Variants in ZNF331 observed in about 807,000 individuals in gnomAD.
The protein encoded by ZNF331 is C2H2-like zinc finger protein rearranged in thyroid adenomas.
Under a neutral mutation model 7.0 loss-of-function variants are expected in ZNF331, and 2 were observed. The observed-to-expected ratio is 0.29, with a 90% confidence interval of 0.12 to 0.90. ZNF331 has a LOEUF of 0.90. Among genes scored for constraint, ZNF331 ranks in the 40% least tolerant of loss-of-function variants. The probability of loss-of-function intolerance (pLI) is 0.58; values close to 1 mark genes in which losing one functional copy is unlikely to be tolerated. For missense variants in ZNF331, 432 were observed against 587.7 expected, an observed-to-expected ratio of 0.74 and a Z score of 2.74; for synonymous variants, 196 against 205.4, an observed-to-expected ratio of 0.95 and a Z score of 0.39.
chr19:53,524,749 T>G (rs2087228532), intron 2 of ZNF331, among the ~76,000 whole-genome samples: 1 of 152,144 alleles, frequency 6.6e-6, no homozygotes, highest in East Asian at 1.9e-4. Flanking sequence ...CTTTTGCTGT[T>G]CAGAAGCTCT....
At chr19:53,544,864 G>T (rs1737036899) in intron 2 of ZNF331, among the ~76,000 whole-genome samples, 1 of 151,752 alleles carries the variant, frequency 6.6e-6, no homozygotes, top group Non-Finnish European at 1.5e-5. Context: ...CTCCTGAGTA[G>T]CGGGGATTAC....
Position 53,560,892 on chromosome 19 carries a change from G to A in ZNF331, c.-74+4984G>A, listed in dbSNP as rs73587718. On this transcript the variant is annotated intron_variant, in intron 3 of 5. Transcript: ENST00000449416. The surrounding 1 kb of genome is among the most constrained non-coding windows in gnomAD (Gnocchi z 4.3). Reference sequence around the variant, plus strand: ...ATTAGCCATTTTAAGTCCATCTGCAGCCTTAATTTTCCTTTGCCATACAAG... The same window carrying A: ...ATTAGCCATTTTAAGTCCATCTGCAACCTTAATTTTCCTTTGCCATACAAG... Among the ~76,000 whole-genome samples the A allele has an allele frequency of 0.3, 44,915 of 152,036 alleles. 6,916 individuals are homozygous for A. Among genetic ancestry groups the A allele is most frequent in the African/African-American group, 0.37 (15,269 of 41,440 alleles).
rs1361638957 is a variant in ZNF331, at chr19:53,555,847, C to T, written c.-135C>T. 6.6e-6 allele frequency: 1 copy of T among 151,862 alleles called. No individual in the cohort carries two copies. Among genetic ancestry groups the T allele is most frequent in the Non-Finnish European group, 1.5e-5 (1 of 68,040 alleles). 9.4% of individuals were successfully genotyped at this position (151,862 alleles called of 1,614,324 possible). A position where few individuals can be genotyped will look rare whatever the true frequency, so the allele number is the denominator to read the frequency against. On this transcript the variant is annotated splice_region_variant and 5_prime_UTR_variant, in exon 3 of 6. Transcript: ENST00000449416. ...CCTTCTGGTTCTGTTTTCCCCAGGC[C>T]AGCATCCTTCAGAAAAAGCATCCCC... is the stretch of plus-strand genomic sequence containing the variant.
chr19:53,577,207 A>G lies in ZNF331; in HGVS notation c.647A>G (p.Glu216Gly), dbSNP rs2090762301. 6.2e-7 allele frequency: 1 copy of G among 1,613,648 alleles called. No homozygotes were observed. The highest frequency in any genetic ancestry group is 8.5e-7 in the Non-Finnish European group (1 of 1,179,960). ...KRIHTGEKPY[E>G]CKDCGKAFRR... is the part of the protein sequence containing the mutation. ...ATTCATACTGGTGAAAAACCCTATG[A>G]ATGTAAAGACTGTGGAAAGGCCTTT... The change falls in exon 6 of 6, where the codon GAA (glutamate) becomes GGA (glycine). Residue 216 changes from glutamate to glycine, a missense_variant. Around this residue, in one of 3 missense-constraint regions of ZNF331, gnomAD observed 312 missense variants for 448.6 expected, o/e 0.70. Coordinates refer to ENST00000449416, the MANE Select transcript of ZNF331 (RefSeq NM_001079906.2).
chr19:53,578,452 G>A lies in ZNF331; in HGVS notation c.*500G>A. On this transcript the variant is annotated 3_prime_UTR_variant, in exon 6 of 6. Coordinates refer to ENST00000449416, the MANE Select transcript of ZNF331 (RefSeq NM_001079906.2). ...ATCTACATGACAATAAGATATTTTGGGAGAGAGATACGTTCACATAATTTT... is the reference window on the plus strand; with the variant it reads ...ATCTACATGACAATAAGATATTTTGAGAGAGAGATACGTTCACATAATTTT... 1 of 229,538 alleles carries A rather than the reference G, an allele frequency of 4.4e-6. No homozygotes were observed. Among genetic ancestry groups the A allele is most frequent in the Non-Finnish European group, 8.6e-6 (1 of 115,870 alleles). The allele number at this position is 229,538 out of a possible 1,614,324, so 14.2% of individuals were successfully genotyped here. A position where few individuals can be genotyped will look rare whatever the true frequency, so the allele number is the denominator to read the frequency against.
upstream of ZNF331, among the ~76,000 whole-genome samples, chr19:53,519,744 G>C (rs1008142031): frequency 2.6e-5 from 4 of 152,156 alleles, no homozygotes; most frequent in African/African-American, 4.8e-5. Context: ...CTTACAGAGA[G>C]AGCCTTGGCA....
the ZNF331 span, among the ~76,000 whole-genome samples, chr19:53,506,411 CCTCTCTCTCT>C: frequency 4.8e-3 from 357 of 74,390 alleles, 6 homozygotes; most frequent in African/African-American, 0.012. Context: ...CTCTCTCTCT[CCTCTCTCTCT>C]CTCTCTCTCT....
chr19:53,508,725 T>G, the ZNF331 span, among the ~76,000 whole-genome samples: 1 of 152,214 alleles, frequency 6.6e-6, no homozygotes, highest in Non-Finnish European at 1.5e-5. Flanking sequence ...CAGTCTACTT[T>G]GCCCACGATG....
intron 5 of ZNF331, among the ~76,000 whole-genome samples, chr19:53,572,556 A>ATT: frequency 1.0e-5 from 1 of 98,962 alleles, no homozygotes; most frequent in Non-Finnish European, 1.9e-5. Flanking sequence ...TATATTATAT[A>ATT]TACACACACA....
the ZNF331 span, among the ~76,000 whole-genome samples, chr19:53,509,380 A>G: frequency 1.3e-5 from 2 of 152,204 alleles, no homozygotes; most frequent in Middle Eastern, 3.4e-3. Context: ...TCCTCTTCCC[A>G]CTGTACTAAT....
chr19:53,506,212 G>C, the ZNF331 span, among the ~76,000 whole-genome samples: 1 of 134,340 alleles, frequency 7.4e-6, no homozygotes, highest in Non-Finnish European at 1.6e-5. Context: ...GCGGGCGCCT[G>C]TAATCCCAGC....
intron 2 of ZNF331, among the ~76,000 whole-genome samples, chr19:53,531,939 GATT>G (rs1386274189): frequency 2.0e-5 from 3 of 151,792 alleles, no homozygotes; most frequent in Admixed American, 1.3e-4. Flanking sequence ...TATTTATTCG[GATT>G]ATTGTTGTTT....
At chr19:53,545,056 T>C (rs1323601862) in intron 2 of ZNF331, among the ~76,000 whole-genome samples, 2 of 152,200 alleles carry the variant, frequency 1.3e-5, no homozygotes. Flanking sequence ...TCACTACTGG[T>C]GTAAGTCAGG....
At chr19:53,532,745 C>T (rs1171524745) in intron 2 of ZNF331, among the ~76,000 whole-genome samples, 1 of 152,166 alleles carries the variant, frequency 6.6e-6, no homozygotes, top group Non-Finnish European at 1.5e-5. Flanking sequence ...ATGATTCCAT[C>T]TTGGTAGGTT....
intron 3 of ZNF331, 51 bp downstream of exon 3, chr19:53,555,959 T>C (rs1324657250): frequency 2.0e-5 from 3 of 151,376 alleles, no homozygotes; most frequent in Non-Finnish European, 4.4e-5. Flanking sequence ...TTATGAGACT[T>C]AGTCGGCGGG....
At chr19:53,574,329 C>T (rs1255822174) in intron 5 of ZNF331, among the ~76,000 whole-genome samples, 2 of 152,028 alleles carry the variant, frequency 1.3e-5, no homozygotes, top group African/African-American at 4.8e-5. Flanking sequence ...CAGTCAGCCA[C>T]CCGTACAAAG....
At position 53,560,205 on chromosome 19, in the gene ZNF331, C is replaced by CAT. The variant is rs1302185154; in HGVS notation, c.-74+4305_-74+4306dup. On this transcript the variant is annotated intron_variant, in intron 3 of 5. Transcript: ENST00000449416. The surrounding 1 kb of genome is among the most constrained non-coding windows in gnomAD (Gnocchi z 4.3). ...CATACACACACATATATACACACAC[C>CAT]ATATATATACACACATATATACACA... Among the ~76,000 whole-genome samples, 4 of 149,050 alleles carry CAT rather than the reference C, an allele frequency of 2.7e-5. No individual in the cohort carries two copies. Among genetic ancestry groups the CAT allele is most frequent in the Non-Finnish European group, 6.0e-5 (4 of 66,690 alleles).
chr19:53,532,023 A>T (rs1411871791), intron 2 of ZNF331, among the ~76,000 whole-genome samples: 6 of 152,090 alleles, frequency 3.9e-5, no homozygotes, highest in African/African-American at 1.4e-4. Context: ...CTTATTATGT[A>T]CAACATTATG....
intron 2 of ZNF331, among the ~76,000 whole-genome samples, chr19:53,526,128 G>A (rs183596530): frequency 1.2e-3 from 176 of 152,190 alleles, no homozygotes; most frequent in African/African-American, 3.9e-3. Flanking sequence ...GATAAATCCC[G>A]CTTGATCATG....
Sources: allele counts gnomAD v4.1 joint callset (sites outside exome capture counted in the v4.1 genomes callset), GRCh38; gene constraint gnomAD v4.1.1; regional missense constraint gnomAD v4.1.1; non-coding constraint Gnocchi (gnomAD v3.1); transcripts MANE v1.5; gene names NCBI Gene and HGNC (gene_info 2026-07-23, HGNC 2026-07-21).